SMARCC1: variants seen among roughly 807,000 people sequenced by gnomAD.
The protein encoded by SMARCC1 is SWI/SNF complex subunit SMARCC1.
In SMARCC1, 43 loss-of-function variants were observed where a neutral mutation model predicts 147.4. The ratio of observed to expected loss-of-function variants is 0.29; its 90% CI spans 0.23 to 0.38. The LOEUF (loss-of-function observed/expected upper bound fraction) is 0.38. SMARCC1 is among the 10% of genes least tolerant of loss of function. The pLI is 1.00. For synonymous variants in SMARCC1, 495 were observed against 484.4 expected (o/e 1.02, Z -0.29); for missense variants, 1,119 against 1,381.1 (o/e 0.81, Z 3.01).
At chr3:47,679,251 T>G (rs1290760057) in intron 15 of SMARCC1, among the ~76,000 whole-genome samples, 1 of 151,668 alleles carries the variant, frequency 6.6e-6, no homozygotes, top group Non-Finnish European at 1.5e-5. Context: ...ATACCCTGAT[T>G]AATACATGGG....
At chr3:47,724,538 A>G (rs1388553125) in intron 6 of SMARCC1, among the ~76,000 whole-genome samples, 1 of 152,110 alleles carries the variant, frequency 6.6e-6, no homozygotes, top group Non-Finnish European at 1.5e-5. Flanking sequence ...GCCCAACACA[A>G]ATTCATAAGT....
At chr3:47,744,688 A>G (rs2034547311) in intron 3 of SMARCC1, among the ~76,000 whole-genome samples, 1 of 152,102 alleles carries the variant, frequency 6.6e-6, no homozygotes, top group Non-Finnish European at 1.5e-5. Context: ...CCACTCCCCC[A>G]ACCCTACCCT....
Position 47,587,155 on chromosome 3 carries a change from CAA to C in SMARCC1, c.*1052_*1053del, listed in dbSNP as rs2032083612. On this transcript the variant is annotated 3_prime_UTR_variant, in exon 28 of 28. Transcript: ENST00000254480. The stretch of plus-strand genomic sequence containing the variant: ...AAATTCCACTCCCTGGCTACTGTAA[CAA>C]GAGGTAGTTTGGGGACTTGTACCCC... 2 of 152,594 alleles carry C rather than the reference CAA, an allele frequency of 1.3e-5. No individual in the cohort carries two copies. Among genetic ancestry groups the C allele is most frequent in the Admixed American group, 1.3e-4 (2 of 15,280 alleles). 9.5% of individuals were successfully genotyped at this position (152,594 alleles called of 1,614,324 possible). A position where few individuals can be genotyped will look rare whatever the true frequency, so the allele number is the denominator to read the frequency against.
At position 47,781,880 on chromosome 3, in the gene SMARCC1, G is replaced by C; in HGVS notation, c.-83C>G. The C allele has an allele frequency of 1.0e-6, 1 of 998,902 alleles. No homozygotes were observed. Among genetic ancestry groups the C allele is most frequent in the Non-Finnish European group, 1.3e-6 (1 of 771,988 alleles). The allele number at this position is 998,902 out of a possible 1,614,324, so 61.9% of individuals were successfully genotyped here. On this transcript the variant is annotated 5_prime_UTR_variant, in exon 1 of 28. Coordinates refer to ENST00000254480, the MANE Select transcript of SMARCC1 (RefSeq NM_003074.4). ...GTCGTTCCCGCGCGCACCCCCGCGC[G>C]CGTAGCCGCCACTGCCGCTTCCCGG...
intron 19 of SMARCC1, among the ~76,000 whole-genome samples, chr3:47,665,664 AAG>A (rs2033410895): frequency 6.6e-6 from 1 of 152,190 alleles, no homozygotes; most frequent in Non-Finnish European, 1.5e-5. Context: ...TAATGCTAAT[AAG>A]AGAGGCAAAT....
At chr3:47,665,288 G>A (rs1282826122) in intron 19 of SMARCC1, among the ~76,000 whole-genome samples, 1 of 152,096 alleles carries the variant, frequency 6.6e-6, no homozygotes, top group Middle Eastern at 3.2e-3. Flanking sequence ...TGGATATTCA[G>A]TAACCTCAGG....
chr3:47,730,348 C>A (rs899616352), intron 5 of SMARCC1, among the ~76,000 whole-genome samples: 1 of 152,022 alleles, frequency 6.6e-6, no homozygotes, highest in Non-Finnish European at 1.5e-5. Context: ...TAGCCCGGCA[C>A]TTTTGTGCCT....
chr3:47,681,177 C>A (rs939780948), intron 14 of SMARCC1, among the ~76,000 whole-genome samples: 6 of 152,174 alleles, frequency 3.9e-5, no homozygotes, highest in Non-Finnish European at 1.5e-5. Flanking sequence ...GGAGCTGGCA[C>A]GGCATGGCAA....
intron 12 of SMARCC1, among the ~76,000 whole-genome samples, chr3:47,689,887 T>G (rs2033771168): frequency 6.6e-6 from 1 of 152,166 alleles, no homozygotes; most frequent in Admixed American, 6.6e-5. Context: ...AAAGCCCAGG[T>G]AAAATTTGTA....
chr3:47,623,176 T>TAA (rs35509187), intron 24 of SMARCC1, among the ~76,000 whole-genome samples: 23 of 100,118 alleles, frequency 2.3e-4, no homozygotes, highest in African/African-American at 7.2e-4. Context: ...GGGTTCTTCA[T>TAA]AAAAAAAAAA....
In SMARCC1 at chr3:47,706,400, A is replaced by T; in HGVS notation, c.1040+9T>A. ...TTTAATGCCCTTTGAATCATGTAAT[A>T]GTTCTTACCCTTTCTTCCCACTCTT... On this transcript the variant is annotated intron_variant, in intron 10 of 27. Transcript: ENST00000254480. 6.5e-7 allele frequency: 1 copy of T among 1,542,976 alleles called. No individual in the cohort carries two copies. The highest frequency in any genetic ancestry group is 1.3e-5 in the South Asian group (1 of 79,320).
At position 47,590,735 on chromosome 3, in the gene SMARCC1, G is replaced by C; in HGVS notation, c.3146C>G (p.Thr1049Ser). Residue 1049 changes from threonine to serine, a missense_variant, in exon 27 of 28, where the codon ACC (threonine) becomes AGC (serine). Physicochemically the swap from Thr to Ser is moderately conservative, Grantham distance 58 (BLOSUM62 1). Transcript: ENST00000254480. ...ANIHPSGSGP[T>S]PPGMPPMPGN... Reference sequence around the variant, plus strand: ...TGGCATTGGTGGCATGCCAGGAGGGGTAGGGCCACTCCCAGAGGGGTGGAT... The same window carrying C: ...TGGCATTGGTGGCATGCCAGGAGGGCTAGGGCCACTCCCAGAGGGGTGGAT... The C allele has an allele frequency of 6.2e-7, 1 of 1,601,244 alleles. No individual in the cohort carries two copies. The highest frequency in any genetic ancestry group is 8.5e-7 in the Non-Finnish European group (1 of 1,175,014).
chr3:47,776,137 G>C lies in SMARCC1; in HGVS notation c.196-3201C>G, dbSNP rs1421106367. On this transcript the variant is annotated intron_variant, in intron 1 of 27. Transcript: ENST00000254480. Reference sequence around the variant, plus strand: ...CACTCAAGCCTGGGTGACAAAGCGAGACTCCGTCTCAAACGAGAAAAAAAA... The same window carrying C: ...CACTCAAGCCTGGGTGACAAAGCGACACTCCGTCTCAAACGAGAAAAAAAA... 5.3e-5 allele frequency among the ~76,000 whole-genome samples: 8 copies of C among 152,030 alleles called. No individual in the cohort carries two copies. The South Asian group carries it at 1.7e-3, about 32-fold the overall frequency.
intron 25 of SMARCC1, among the ~76,000 whole-genome samples, chr3:47,620,548 T>C (rs933995523): frequency 6.6e-6 from 1 of 152,190 alleles, no homozygotes; most frequent in Non-Finnish European, 1.5e-5. Flanking sequence ...TCTCCCAAGA[T>C]AACCAAATGT....
At chr3:47,744,317 G>A (rs1014514814) in intron 3 of SMARCC1, among the ~76,000 whole-genome samples, 2 of 151,998 alleles carry the variant, frequency 1.3e-5, no homozygotes, top group Admixed American at 1.3e-4. Flanking sequence ...AATTTTTTTT[G>A]TATTTTTAGT....
chr3:47,707,788 A>G (rs1419960352), intron 9 of SMARCC1, among the ~76,000 whole-genome samples: 1 of 152,186 alleles, frequency 6.6e-6, no homozygotes, highest in Non-Finnish European at 1.5e-5. Context: ...CTGAGCCGGG[A>G]GGATAGCTTG....
Position 47,680,424 on chromosome 3 carries a change from A to C in SMARCC1, c.1457+13T>G, listed in dbSNP as rs778219919. The C allele has an allele frequency of 6.3e-7, 1 of 1,598,626 alleles. No homozygotes were observed. Among genetic ancestry groups the C allele is most frequent in the South Asian group, 1.1e-5 (1 of 90,066 alleles). The stretch of plus-strand genomic sequence containing the variant: ...CAGGCAAATAAACAAGTTTTCTAAA[A>C]CACTGGCCTCACATTTCTGGAGTCT... On this transcript the variant is annotated intron_variant, in intron 15 of 27. Coordinates refer to ENST00000254480, the MANE Select transcript of SMARCC1 (RefSeq NM_003074.4).
chr3:47,780,205 T>C (rs367677545), intron 1 of SMARCC1, among the ~76,000 whole-genome samples: 26 of 132,322 alleles, frequency 2.0e-4, no homozygotes, highest in East Asian at 9.8e-4. Context: ...ACAGTCTTAC[T>C]TTATTACCTA....
At chr3:47,712,069 C>T (rs1255670872) in intron 8 of SMARCC1, among the ~76,000 whole-genome samples, 1 of 152,022 alleles carries the variant, frequency 6.6e-6, no homozygotes, top group African/African-American at 2.4e-5. Context: ...CCCGTTTCTA[C>T]TAAAAATACA....
Sources: gnomAD v4.1 joint callset for allele counts (sites outside exome capture counted in the v4.1 genomes callset) on GRCh38, gnomAD v4.1.1 for gene constraint, MANE v1.5 for transcripts, NCBI Gene and HGNC (gene_info 2026-07-23, HGNC 2026-07-21) for gene names.